BTRC: variants seen among roughly 807,000 people sequenced by gnomAD.
BTRC encodes beta-transducin repeat containing E3 ubiquitin protein ligase.
BTRC carries 42 observed loss-of-function variants against 85.5 expected under a neutral mutation model. The observed-to-expected ratio is 0.49, with a 90% CI of 0.38 to 0.64. The LOEUF (loss-of-function observed/expected upper bound fraction) is 0.64. Among genes scored for constraint, BTRC ranks in the 30% least tolerant of loss-of-function variants. The pLI, the probability that BTRC is intolerant of heterozygous loss-of-function variation, is 0.00. For synonymous variants in BTRC, 255 were observed against 263.3 expected (o/e 0.97, Z 0.30); for missense variants, 594 against 743.5 (o/e 0.80, Z 2.34).
chr10:101,364,053 G>A (rs1942293087), intron 1 of BTRC, among the ~76,000 whole-genome samples: 1 of 152,130 alleles, frequency 6.6e-6, no homozygotes, highest in Non-Finnish European at 1.5e-5. Context: ...AGGGCAGGGA[G>A]TAACTTGCAC....
At chr10:101,385,235 C>T (rs1479595634) in intron 1 of BTRC, among the ~76,000 whole-genome samples, 8 of 150,830 alleles carry the variant, frequency 5.3e-5, no homozygotes, top group African/African-American at 7.3e-5. Flanking sequence ...GGCGTGGTGG[C>T]GGGCACCTGT....
At chr10:101,505,179 T>TATA (rs1564812310) in intron 4 of BTRC, among the ~76,000 whole-genome samples, 26 of 40,396 alleles carry the variant, frequency 6.4e-4, no homozygotes, top group South Asian at 1.3e-3. Context: ...ATATATATAT[T>TATA]TTTTAGTAGA....
At chr10:101,513,206 A>G (rs2061978998) in intron 4 of BTRC, among the ~76,000 whole-genome samples, 1 of 152,218 alleles carries the variant, frequency 6.6e-6, no homozygotes, top group African/African-American at 2.4e-5. Flanking sequence ...AGATTTCTCT[A>G]CAAACATAAT....
At chr10:101,492,376 CA>C (rs1028067262) in intron 4 of BTRC, among the ~76,000 whole-genome samples, 6 of 152,134 alleles carry the variant, frequency 3.9e-5, no homozygotes, top group African/African-American at 1.4e-4. Context: ...AATATCATGG[CA>C]GGGGGTATAA....
intron 1 of BTRC, among the ~76,000 whole-genome samples, chr10:101,406,262 C>G (rs539241193): frequency 6.6e-6 from 1 of 151,112 alleles, no homozygotes; most frequent in African/African-American, 2.4e-5. Flanking sequence ...CTGCAAGCTC[C>G]GCCTCCCGGG....
chr10:101,433,198 T>G (rs915077475), intron 2 of BTRC, among the ~76,000 whole-genome samples: 6 of 152,194 alleles, frequency 3.9e-5, no homozygotes, highest in African/African-American at 1.4e-4. Context: ...TGATGAGAAC[T>G]ATTGATCTTG....
chr10:101,497,759 T>C, intron 4 of BTRC, among the ~76,000 whole-genome samples: 1 of 152,028 alleles, frequency 6.6e-6, no homozygotes, highest in Non-Finnish European at 1.5e-5. Flanking sequence ...TGATGACTCA[T>C]GCCTGTAATC....
chr10:101,527,383 G>C (rs2062207734), intron 6 of BTRC, among the ~76,000 whole-genome samples: 1 of 151,902 alleles, frequency 6.6e-6, no homozygotes, highest in East Asian at 1.9e-4. Flanking sequence ...CTGGCTATTA[G>C]GAAGACTGTT....
chr10:101,507,684 A>C (rs992079967), intron 4 of BTRC, among the ~76,000 whole-genome samples: 1 of 152,192 alleles, frequency 6.6e-6, no homozygotes, highest in African/African-American at 2.4e-5. Context: ...GGAATAATTC[A>C]TTAGATTATC....
intron 10 of BTRC, 91 bp downstream of exon 10, chr10:101,535,001 C>T: frequency 1.4e-6 from 2 of 1,422,256 alleles, no homozygotes; most frequent in Non-Finnish European, 2.0e-6. Flanking sequence ...TTAAACGTTG[C>T]TACAGAAAAA....
At chr10:101,540,959 T>A (rs905037246) in intron 13 of BTRC, among the ~76,000 whole-genome samples, 3 of 152,246 alleles carry the variant, frequency 2.0e-5, no homozygotes, top group Non-Finnish European at 4.4e-5. Flanking sequence ...GTCACAGTTA[T>A]CCCTAAATAT....
At chr10:101,365,393 G>A (rs906065395) in intron 1 of BTRC, among the ~76,000 whole-genome samples, 62 of 146,092 alleles carry the variant, frequency 4.2e-4, no homozygotes, top group African/African-American at 1.6e-3. Context: ...TTAATTTTTT[G>A]AGACAGTCTC....
intron 4 of BTRC, among the ~76,000 whole-genome samples, chr10:101,514,322 T>C (rs1037457405): frequency 1.3e-5 from 2 of 152,206 alleles, no homozygotes; most frequent in African/African-American, 2.4e-5. Flanking sequence ...CTCCTGTGTT[T>C]TCTTTTAGAA....
intron 1 of BTRC, among the ~76,000 whole-genome samples, chr10:101,392,002 C>T (rs1045631222): frequency 1.3e-5 from 2 of 151,448 alleles, no homozygotes; most frequent in Non-Finnish European, 2.9e-5. Flanking sequence ...TTTTTTGAGA[C>T]GGAGGCTTGC....
chr10:101,394,061 C>T (rs191454252), intron 1 of BTRC, among the ~76,000 whole-genome samples: 28 of 152,190 alleles, frequency 1.8e-4, no homozygotes, highest in East Asian at 3.9e-4. Flanking sequence ...TTTTATAGAA[C>T]GCAGACATTG....
At chr10:101,379,971 C>T (rs1942888545) in intron 1 of BTRC, among the ~76,000 whole-genome samples, 1 of 152,266 alleles carries the variant, frequency 6.6e-6, no homozygotes, top group Admixed American at 6.5e-5. Flanking sequence ...AATATCAAAG[C>T]TTTGCAAAGT....
At chr10:101,426,798 G>C (rs1171843470) in intron 1 of BTRC, among the ~76,000 whole-genome samples, 2 of 152,154 alleles carry the variant, frequency 1.3e-5, no homozygotes, top group Non-Finnish European at 2.9e-5. Flanking sequence ...GGTTCTGGTT[G>C]GTTTCTAGAC....
At chr10:101,439,424 G>C (rs1011766568) in intron 2 of BTRC, among the ~76,000 whole-genome samples, 1 of 152,310 alleles carries the variant, frequency 6.6e-6, no homozygotes, top group South Asian at 2.1e-4. Context: ...TCTGATTGCT[G>C]TTCCCTTTGG....
At chr10:101,550,184 T>C (rs1461659278) in intron 13 of BTRC, among the ~76,000 whole-genome samples, 3 of 152,224 alleles carry the variant, frequency 2.0e-5, no homozygotes, top group African/African-American at 7.2e-5. Context: ...TAGCATGTCT[T>C]GGCCAAAGAG....
Sources: gnomAD v4.1 joint callset for allele counts (sites outside exome capture counted in the v4.1 genomes callset) on GRCh38, gnomAD v4.1.1 for gene constraint, MANE v1.5 for transcripts, NCBI Gene and HGNC (gene_info 2026-07-23, HGNC 2026-07-21) for gene names.